The following SPAM1 variants were observed in gnomAD, a reference collection of about 807,000 sequenced individuals.
SPAM1 encodes sperm adhesion molecule 1.
A neutral mutation model predicts 29.6 loss-of-function variants in SPAM1; 22 were observed. The observed-to-expected ratio is 0.74, with a 90% CI of 0.53 to 1.06. The LOEUF is 1.06. Ranked by LOEUF, SPAM1 falls within the 50% of genes least tolerant of loss-of-function variation. The pLI, the probability that SPAM1 is intolerant of heterozygous loss-of-function variation, is 0.00. For missense variants in SPAM1, 534 were observed against 604.0 expected (o/e 0.88, Z 1.21); for synonymous variants, 194 against 204.6 (o/e 0.95, Z 0.44).
downstream of SPAM1, chr7:123,960,096 A>T (rs1301769319): frequency 2.2e-6 from 3 of 1,343,314 alleles, no homozygotes; most frequent in Non-Finnish European, 2.0e-6. Flanking sequence ...GAATAACTAT[A>T]CCTAGGAAAT....
At chr7:123,934,109 G>A (rs1388353002) in intron 1 of SPAM1, among the ~76,000 whole-genome samples, 1 of 152,122 alleles carries the variant, frequency 6.6e-6, no homozygotes, top group Non-Finnish European at 1.5e-5. Context: ...TAGTTTAGGT[G>A]TGTAATAGGC....
At chr7:123,964,328 C>T (rs1792395995), downstream of SPAM1, among the ~76,000 whole-genome samples, 1 of 151,596 alleles carries the variant, frequency 6.6e-6, no homozygotes, top group African/African-American at 2.4e-5. Flanking sequence ...TAATAATAAA[C>T]CTCAAAGTAG....
intron 2 of SPAM1, among the ~76,000 whole-genome samples, chr7:123,952,536 C>T (rs1792131703): frequency 2.0e-5 from 3 of 151,910 alleles, no homozygotes; most frequent in Admixed American, 6.6e-5. Flanking sequence ...TGACCTTTGC[C>T]CAGACCATTT....
downstream of SPAM1, among the ~76,000 whole-genome samples, chr7:123,960,591 C>G (rs1207456658): frequency 2.6e-5 from 4 of 151,940 alleles, no homozygotes; most frequent in Admixed American, 2.0e-4. Flanking sequence ...TAACCTTCGA[C>G]TCTCTTTTAA....
At chr7:123,940,326 T>C (rs989802957) in intron 1 of SPAM1, among the ~76,000 whole-genome samples, 1 of 152,042 alleles carries the variant, frequency 6.6e-6, no homozygotes, top group Non-Finnish European at 1.5e-5. Context: ...AAATTAAAGG[T>C]GTATTATATG....
At chr7:123,947,167 T>C (rs1482528677) in intron 1 of SPAM1, among the ~76,000 whole-genome samples, 1 of 152,220 alleles carries the variant, frequency 6.6e-6, no homozygotes, top group Non-Finnish European at 1.5e-5. Context: ...TCTTTTATAA[T>C]AAATGCTGTA....
At chr7:123,947,832 A>C (rs1291386122) in intron 1 of SPAM1, 1 of 152,108 alleles carries the variant, frequency 6.6e-6, no homozygotes, top group Non-Finnish European at 1.5e-5. Flanking sequence ...TAGTAGGAAA[A>C]AGCAGGTACT....
intron 1 of SPAM1, among the ~76,000 whole-genome samples, chr7:123,929,846 C>T (rs1413416019): frequency 6.6e-6 from 1 of 150,550 alleles, no homozygotes; most frequent in East Asian, 1.9e-4. Context: ...TGCTTTCTGC[C>T]ATTCTTGCAG....
At chr7:123,962,559 T>G (rs1440596295), downstream of SPAM1, among the ~76,000 whole-genome samples, 1 of 151,960 alleles carries the variant, frequency 6.6e-6, no homozygotes, top group Non-Finnish European at 1.5e-5. Context: ...ACCTGTACTT[T>G]CATAGTTTTA....
At chr7:123,969,799 C>T (rs779266885) in intron 5 of SPAM1, among the ~76,000 whole-genome samples, 3 of 151,230 alleles carry the variant, frequency 2.0e-5, no homozygotes, top group Non-Finnish European at 4.4e-5. Context: ...TTGACTCACC[C>T]AGATTTTAAG....
rs371105891 is a variant in SPAM1, at chr7:123,954,202, G to C, written c.632G>C (p.Arg211Pro). The change falls in exon 3 of 5, where the codon CGG (arginine) becomes CCG (proline). Residue 211 changes from arginine to proline, a missense_variant. Coordinates refer to ENST00000682466, the MANE Select transcript of SPAM1 (RefSeq NM_153189.3). The stretch of plus-strand genomic sequence containing the variant: ...ACTATAAAATTGGGAAAATTACTTC[G>C]GCCAAATCACTTGTGGGGTTATTAT... ...VETIKLGKLL[R>P]PNHLWGYYLF... 6.8e-6 allele frequency: 11 copies of C among 1,613,332 alleles called. No individual in the cohort carries two copies. Among genetic ancestry groups the C allele is most frequent in the African/African-American group, 1.3e-5 (1 of 74,854 alleles).
chr7:123,925,709 C>G (rs1355328668), intron 1 of SPAM1: 2 of 143,876 alleles, frequency 1.4e-5, no homozygotes, highest in African/African-American at 5.3e-5. Context: ...ACACTCCATC[C>G]TGGGTGACAG....
At chr7:123,928,522 A>G (rs1004809739) in intron 1 of SPAM1, among the ~76,000 whole-genome samples, 4 of 152,206 alleles carry the variant, frequency 2.6e-5, no homozygotes, top group Admixed American at 2.6e-4. Flanking sequence ...AGGGCCCACA[A>G]ATATTGGGGT....
intron 1 of SPAM1, among the ~76,000 whole-genome samples, chr7:123,935,430 C>A (rs1808221803): frequency 6.6e-6 from 1 of 152,102 alleles, no homozygotes; most frequent in Admixed American, 6.5e-5. Context: ...ACAAACAAAA[C>A]TAAAGCACAG....
At chr7:123,939,663 A>G (rs1808366811) in intron 1 of SPAM1, among the ~76,000 whole-genome samples, 1 of 152,196 alleles carries the variant, frequency 6.6e-6, no homozygotes, top group Non-Finnish European at 1.5e-5. Flanking sequence ...CTGCTAATCA[A>G]ACTCTAATCA....
downstream of SPAM1, among the ~76,000 whole-genome samples, chr7:123,961,527 C>G (rs1401385795): frequency 6.6e-6 from 1 of 151,934 alleles, no homozygotes; most frequent in Non-Finnish European, 1.5e-5. Flanking sequence ...GAGTAGTATT[C>G]CGTTGTGTAT....
intron 1 of SPAM1, among the ~76,000 whole-genome samples, chr7:123,940,124 C>T (rs1396446722): frequency 6.6e-6 from 1 of 151,568 alleles, no homozygotes; most frequent in Non-Finnish European, 1.5e-5. Context: ...ACTGTGGCTT[C>T]TGATTGGTGG....
chr7:123,969,528 C>T (rs1187880324), intron 5 of SPAM1, among the ~76,000 whole-genome samples: 1 of 151,970 alleles, frequency 6.6e-6, no homozygotes, highest in Non-Finnish European at 1.5e-5. Context: ...CTCCCAGCAC[C>T]ATTTATTGAA....
In SPAM1 at chr7:123,949,624, A is replaced by G. The variant is rs1808696512; in HGVS notation, c.-318-248A>G. Among the ~76,000 whole-genome samples, 3 of 152,070 alleles carry G rather than the reference A, an allele frequency of 2.0e-5. No homozygotes were observed. In the South Asian group the frequency reaches 6.2e-4, roughly 32 times the overall value. On this transcript the variant is annotated intron_variant, in intron 1 of 4. Coordinates refer to ENST00000682466, the MANE Select transcript of SPAM1 (RefSeq NM_153189.3). Reference sequence around the variant, plus strand: ...TATTTTTTTTCATTTCATAGATGCTACAATACATAGTGGTGAATACTACAC... The same window carrying G: ...TATTTTTTTTCATTTCATAGATGCTGCAATACATAGTGGTGAATACTACAC...
Sources: allele counts gnomAD v4.1 joint callset (sites outside exome capture counted in the v4.1 genomes callset), GRCh38; gene constraint gnomAD v4.1.1; transcripts MANE v1.5; gene names NCBI Gene and HGNC (gene_info 2026-07-23, HGNC 2026-07-21).